Variants in GPBP1 observed in about 807,000 individuals in gnomAD.
GPBP1 encodes GC-rich promoter binding protein 1.
Under a neutral mutation model 56.5 loss-of-function variants are expected in GPBP1, and 13 were observed. The ratio of observed to expected loss-of-function variants is 0.23; its 90% CI spans 0.15 to 0.37. GPBP1 has a LOEUF of 0.37. Among genes scored for constraint, GPBP1 ranks in the 10% least tolerant of loss-of-function variants. GPBP1 has a pLI of 1.00. For synonymous variants in GPBP1, 204 were observed against 188.9 expected (o/e 1.08, Z -0.66); for missense variants, 477 against 572.3 (o/e 0.83, Z 1.70).
At chr5:57,238,856 A>C (rs1186571585) in intron 6 of GPBP1, among the ~76,000 whole-genome samples, 5 of 152,146 alleles carry the variant, frequency 3.3e-5, no homozygotes, top group African/African-American at 1.2e-4. Flanking sequence ...CATTGCTCAG[A>C]GTTCTTTTGG....
chr5:57,222,747 T>A (rs1756007168), intron 3 of GPBP1, among the ~76,000 whole-genome samples: 1 of 152,218 alleles, frequency 6.6e-6, no homozygotes, highest in Admixed American at 6.5e-5. Flanking sequence ...GGTTTGTACA[T>A]TTTGGTAGAT....
intron 3 of GPBP1, among the ~76,000 whole-genome samples, chr5:57,215,431 C>T (rs1185755591): frequency 2.0e-5 from 3 of 152,176 alleles, no homozygotes; most frequent in Admixed American, 6.5e-5. Context: ...CAAACCCATC[C>T]GTTAGGCTCC....
chr5:57,239,668 C>T (rs1304038552), intron 6 of GPBP1, among the ~76,000 whole-genome samples: 1 of 151,766 alleles, frequency 6.6e-6, no homozygotes, highest in Non-Finnish European at 1.5e-5. Context: ...TAATCCCAGC[C>T]ACTTGGGAGG....
intron 3 of GPBP1, among the ~76,000 whole-genome samples, chr5:57,222,681 G>A (rs1282926889): frequency 6.6e-6 from 1 of 152,004 alleles, no homozygotes; most frequent in African/African-American, 2.4e-5. Flanking sequence ...AAATACCTGG[G>A]CATTTCTTTG....
At chr5:57,180,883 A>G (rs1303573733) in intron 2 of GPBP1, among the ~76,000 whole-genome samples, 1 of 152,188 alleles carries the variant, frequency 6.6e-6, no homozygotes, top group Non-Finnish European at 1.5e-5. Context: ...CTGGGATTAC[A>G]GGTGCCCACC....
intron 2 of GPBP1, among the ~76,000 whole-genome samples, chr5:57,191,513 A>T (rs919060832): frequency 6.6e-6 from 1 of 151,348 alleles, no homozygotes; most frequent in Non-Finnish European, 1.5e-5. Context: ...AACCTAGGTA[A>T]TTTTTGCTCT....
At chr5:57,191,038 A>T (rs983461843) in intron 2 of GPBP1, among the ~76,000 whole-genome samples, 1 of 151,606 alleles carries the variant, frequency 6.6e-6, no homozygotes, top group Non-Finnish European at 1.5e-5. Context: ...GGCCTCCCCA[A>T]GTGCTGGGGT....
intron 6 of GPBP1, 165 bp from the exon 7 acceptor site, chr5:57,246,135 C>A: frequency 2.0e-6 from 1 of 504,050 alleles, no homozygotes; most frequent in Non-Finnish European, 3.5e-6. Context: ...TTTACTTGTT[C>A]AATTGGAATA....
At chr5:57,177,648 CTTTT>C (rs58708281) in intron 2 of GPBP1, among the ~76,000 whole-genome samples, 19 of 92,232 alleles carry the variant, frequency 2.1e-4, no homozygotes, top group Middle Eastern at 5.8e-3. Context: ...CAATTTTTGC[CTTTT>C]TTTTTTTTTT....
chr5:57,251,335 T>G (rs1007113137), intron 10 of GPBP1, among the ~76,000 whole-genome samples, 194 bp downstream of exon 10: 2 of 152,242 alleles, frequency 1.3e-5, no homozygotes, highest in African/African-American at 4.8e-5. Flanking sequence ...TCATTTGCAC[T>G]CTGTCCTAGG....
At chr5:57,176,955 C>G (rs944932177) in intron 2 of GPBP1, among the ~76,000 whole-genome samples, 1 of 152,116 alleles carries the variant, frequency 6.6e-6, no homozygotes, top group Non-Finnish European at 1.5e-5. Flanking sequence ...ACATATTAAT[C>G]CGTTATAGAA....
Position 57,264,527 on chromosome 5 carries a change from G to A in GPBP1, c.*1775G>A, listed in dbSNP as rs537945470. On this transcript the variant is annotated 3_prime_UTR_variant, in exon 12 of 12. Transcript: ENST00000506184. ...TTCTACTTTCAGAAAAGATTCTGTA[G>A]TTTTGGTTTTTGGCATCTTTCTTAT... 4 of 152,262 alleles carry A rather than the reference G, an allele frequency of 2.6e-5. No homozygotes were observed. In the South Asian group the frequency reaches 6.2e-4, roughly 24 times the overall value. 9.4% of individuals were successfully genotyped at this position (152,262 alleles called of 1,614,324 possible). A position where few individuals can be genotyped will look rare whatever the true frequency, so the allele number is the denominator to read the frequency against.
chr5:57,178,455 A>G (rs1753895156), intron 2 of GPBP1, among the ~76,000 whole-genome samples: 1 of 152,196 alleles, frequency 6.6e-6, no homozygotes, highest in African/African-American at 2.4e-5. Context: ...CGTGTTGGTC[A>G]GGCTGGCCTT....
chr5:57,179,567 A>G (rs573626381), intron 2 of GPBP1, among the ~76,000 whole-genome samples: 2 of 152,186 alleles, frequency 1.3e-5, no homozygotes, highest in East Asian at 3.9e-4. Flanking sequence ...CTAAATGCAT[A>G]GCTTTGTTTT....
At chr5:57,252,148 C>G (rs1437289117) in intron 10 of GPBP1, among the ~76,000 whole-genome samples, 1 of 141,512 alleles carries the variant, frequency 7.1e-6, no homozygotes, top group Non-Finnish European at 1.6e-5. Flanking sequence ...CCCACCCCCA[C>G]AGGCACCTTT....
Position 57,190,170 on chromosome 5 carries a change from TA to T in GPBP1, c.-58+13771del, listed in dbSNP as rs1339263240. Among the ~76,000 whole-genome samples, 3 of 130,246 alleles carry T rather than the reference TA, an allele frequency of 2.3e-5. 1 individual carries two copies. The East Asian group carries it at 5.8e-4, about 25-fold the overall frequency. The allele number at this position is 130,246 out of a possible 152,430, so 85.4% of individuals were successfully genotyped here. A position where few individuals can be genotyped will look rare whatever the true frequency, so the allele number is the denominator to read the frequency against. ...TAAATAATTTAGCCTTACTTTTTTT[TA>T]GGGGGGGGATTGGGTGTATATGGTT... On this transcript the variant is annotated intron_variant, in intron 2 of 11. Transcript: ENST00000506184.
rs565629112 is a variant in GPBP1, at chr5:57,238,009, T to G, written c.478+1977T>G. The stretch of plus-strand genomic sequence containing the variant: ...AATTCTGCTTAGAACCTAGTTGGCT[T>G]TACTGGAAACACCCTCATGCAGCTT... On this transcript the variant is annotated intron_variant, in intron 6 of 11. Transcript: ENST00000506184. Among the ~76,000 whole-genome samples the G allele has an allele frequency of 3.9e-5, 6 of 152,284 alleles. 1 individual carries two copies. In the South Asian group the frequency reaches 1.2e-3, roughly 32 times the overall value.
Position 57,175,620 on chromosome 5 carries a change from G to C in GPBP1, c.-838G>C, listed in dbSNP as rs1481302579. 2.5e-6 allele frequency: 1 copy of C among 396,716 alleles called. No individual in the cohort carries two copies. The highest frequency in any genetic ancestry group is 4.4e-6 in the Non-Finnish European group (1 of 225,332). The allele number at this position is 396,716 out of a possible 1,614,324, so 24.6% of individuals were successfully genotyped here. A position where few individuals can be genotyped will look rare whatever the true frequency, so the allele number is the denominator to read the frequency against. ...TGAATTGATAGTAGTGAACAATTCA[G>C]CAAGCTACTTAAAAAGAGACCCAGG... On this transcript the variant is annotated 5_prime_UTR_variant, in exon 2 of 12. Transcript: ENST00000506184.
chr5:57,225,490 T>TC (rs1207450648), intron 3 of GPBP1, among the ~76,000 whole-genome samples: 1 of 23,918 alleles, frequency 4.2e-5, no homozygotes, highest in African/African-American at 2.1e-4. Context: ...AGATTCCTTC[T>TC]CAAAAAAAAA....
Sources: allele counts gnomAD v4.1 joint callset (sites outside exome capture counted in the v4.1 genomes callset), GRCh38; gene constraint gnomAD v4.1.1; transcripts MANE v1.5; gene names NCBI Gene and HGNC (gene_info 2026-07-23, HGNC 2026-07-21).